Variants in SRBD1 observed in about 807,000 individuals in gnomAD.
SRBD1 encodes the protein S1 RNA binding domain 1, also known as S1 RNA-binding domain-containing protein 1.
In SRBD1, 88 loss-of-function variants were observed where a neutral mutation model predicts 115.3. The ratio of observed to expected loss-of-function variants is 0.76; its 90% CI spans 0.64 to 0.91. The LOEUF (loss-of-function observed/expected upper bound fraction) is 0.91, where lower values mean the gene tolerates loss of function less well. SRBD1 is among the 40% of genes least tolerant of loss of function. The pLI, the probability that SRBD1 is intolerant of heterozygous loss-of-function variation, is 0.00. For missense variants in SRBD1, 1,385 were observed against 1,177.4 expected, an observed-to-expected ratio of 1.18 and a Z score of -2.58; for synonymous variants, 509 against 407.7, an observed-to-expected ratio of 1.25 and a Z score of -2.99.
chr2:45,535,635 A>G (rs1671742105), intron 14 of SRBD1, among the ~76,000 whole-genome samples: 1 of 152,048 alleles, frequency 6.6e-6, no homozygotes, highest in Admixed American at 6.5e-5. Flanking sequence ...CTGGGCCAGA[A>G]GATAAAATAA....
intron 14 of SRBD1, among the ~76,000 whole-genome samples, chr2:45,512,247 T>C (rs896420616): frequency 5.3e-5 from 8 of 152,218 alleles, no homozygotes; most frequent in African/African-American, 1.9e-4. Context: ...TAATTGACTA[T>C]CATTTCTCCA....
chr2:45,533,127 T>C (rs1183701115), intron 14 of SRBD1, among the ~76,000 whole-genome samples: 2 of 151,988 alleles, frequency 1.3e-5, no homozygotes, highest in Non-Finnish European at 2.9e-5. Context: ...AAAATATGGA[T>C]AAGAATAGGC....
chr2:45,499,645 TTTAATCCA>T (rs1485016856), intron 14 of SRBD1, among the ~76,000 whole-genome samples: 3 of 152,202 alleles, frequency 2.0e-5, no homozygotes, highest in African/African-American at 7.2e-5. Context: ...CATTTAAGTC[TTTAATCCA>T]TTTTTAGTTA....
intron 14 of SRBD1, among the ~76,000 whole-genome samples, chr2:45,498,614 T>G (rs1015359090): frequency 6.2e-4 from 94 of 152,294 alleles, no homozygotes; most frequent in Non-Finnish European, 9.4e-4. Context: ...TTCCCCACTG[T>G]ACTACGGAAT....
chr2:45,473,633 T>G (rs1669717328), intron 16 of SRBD1, among the ~76,000 whole-genome samples: 1 of 152,190 alleles, frequency 6.6e-6, no homozygotes, highest in African/African-American at 2.4e-5. Context: ...AACTACTGCA[T>G]TCTATCTTCT....
intron 16 of SRBD1, among the ~76,000 whole-genome samples, chr2:45,446,854 T>C (rs1187260008): frequency 6.6e-6 from 1 of 151,994 alleles, no homozygotes; most frequent in African/African-American, 2.4e-5. Flanking sequence ...AAGAAATCAT[T>C]AAGGAAAAAA....
chr2:45,425,652 C>G (rs976699555), intron 16 of SRBD1, among the ~76,000 whole-genome samples: 9 of 151,972 alleles, frequency 5.9e-5, no homozygotes, highest in African/African-American at 2.2e-4. Flanking sequence ...ACAGTGGGTA[C>G]AGCCCACGGA....
At chr2:45,432,003 G>GTATTTATTTATTTATT (rs3047186) in intron 16 of SRBD1, among the ~76,000 whole-genome samples, 1,535 of 142,914 alleles carry the variant, frequency 0.011, 13 homozygotes, top group Middle Eastern at 0.022. Flanking sequence ...AGAGTTAAAA[G>GTATTTATTTATTTATT]TATTTATTTA....
chr2:45,443,107 C>T (rs532967894), intron 16 of SRBD1, among the ~76,000 whole-genome samples: 1 of 152,106 alleles, frequency 6.6e-6, no homozygotes, highest in African/African-American at 2.4e-5. Flanking sequence ...ATTCCAGAGA[C>T]AACGGGAACA....
At chr2:45,595,289 G>A (rs1158990742) in intron 4 of SRBD1, among the ~76,000 whole-genome samples, 1 of 152,194 alleles carries the variant, frequency 6.6e-6, no homozygotes, top group East Asian at 1.9e-4. Context: ...AGAGGACCAA[G>A]TTATCATTGT....
chr2:45,431,630 G>A (rs1253199318), intron 16 of SRBD1, among the ~76,000 whole-genome samples: 2 of 152,128 alleles, frequency 1.3e-5, no homozygotes, highest in African/African-American at 4.8e-5. Context: ...CCTGTCAGGG[G>A]GTGGAAGGCT....
chr2:45,549,696 C>CAAAAAAAAAAAAAAA (rs10646755), intron 12 of SRBD1, among the ~76,000 whole-genome samples: 15 of 84,652 alleles, frequency 1.8e-4, no homozygotes, highest in Middle Eastern at 8.1e-3. Flanking sequence ...ACTAAAAATA[C>CAAAAAAAAAAAAAAA]AAAAAAAAAA....
Position 45,389,372 on chromosome 2 carries a change from G to A in SRBD1, c.2926C>T (p.Gln976Ter). ...CGGGGGATGTCAATGTTGAGTACTT[G>A]GACTTCCACTCTTTCTCCGGGGCCC... The part of the protein sequence containing the change: ...GLGPGERVEV[Q>*]VLNIDIPRSR... The change falls in exon 21 of 21, where the codon CAA becomes TAA. Residue 976 changes from glutamine to a stop codon, truncating the protein, a stop_gained. Coordinates refer to ENST00000263736, the MANE Select transcript of SRBD1 (RefSeq NM_018079.5). LOFTEE classifies it high-confidence loss of function. The A allele has an allele frequency of 1.2e-6, 2 of 1,613,980 alleles. No homozygotes were observed. The highest frequency in any genetic ancestry group is 2.2e-5 in the South Asian group (2 of 91,074).
chr2:45,464,300 G>C (rs1326084153), intron 16 of SRBD1, among the ~76,000 whole-genome samples: 3 of 152,092 alleles, frequency 2.0e-5, no homozygotes, highest in Non-Finnish European at 2.9e-5. Context: ...CCCACAGAAA[G>C]ATCCAAGTCA....
intron 16 of SRBD1, among the ~76,000 whole-genome samples, chr2:45,432,457 T>C (rs1004773024): frequency 1.3e-5 from 2 of 152,212 alleles, no homozygotes; most frequent in Non-Finnish European, 2.9e-5. Flanking sequence ...TCTAAGAACA[T>C]TTCTAAGCAA....
chr2:45,419,739 G>A (rs1473383037), intron 17 of SRBD1, 49 bp downstream of exon 17: 2 of 1,543,330 alleles, frequency 1.3e-6, no homozygotes, highest in South Asian at 1.1e-5. Flanking sequence ...GGACTGGACA[G>A]CCAGTTAAAC....
In SRBD1 at chr2:45,574,714, G is replaced by A. The variant is rs6544834; in HGVS notation, c.1082C>T (p.Thr361Met). The A allele has an allele frequency of 4.3e-4, 700 of 1,611,488 alleles. 4 individuals are homozygous for A. In the African/African-American group the frequency reaches 7.6e-3, roughly 17 times the overall value. The change falls in exon 8 of 21, where the codon ACG becomes ATG. Residue 361 changes from threonine to methionine, a missense_variant. Thr to Met is a moderately conservative substitution (Grantham distance 81, BLOSUM62 -1). Transcript: ENST00000263736. ...YIRPDVKGLSTLQDIEIGVQH... is the reference protein window; with the variant it reads ...YIRPDVKGLSMLQDIEIGVQH... ...CACTCCTATTTCAATATCCTGAAGC[G>A]TTGAAAGCCCTTTAGGAGAAGGGTA...
At chr2:45,428,321 C>A (rs539375066) in intron 16 of SRBD1, among the ~76,000 whole-genome samples, 1 of 152,000 alleles carries the variant, frequency 6.6e-6, no homozygotes, top group Non-Finnish European at 1.5e-5. Flanking sequence ...GAGGCCGAGG[C>A]GGGCGGATCA....
At chr2:45,541,918 A>G (rs892164859) in intron 14 of SRBD1, among the ~76,000 whole-genome samples, 4 of 152,214 alleles carry the variant, frequency 2.6e-5, no homozygotes, top group Non-Finnish European at 5.9e-5. Flanking sequence ...AAAAAGTACC[A>G]TAAGTTCACA....
Sources: allele counts gnomAD v4.1 joint callset (sites outside exome capture counted in the v4.1 genomes callset), GRCh38; gene constraint gnomAD v4.1.1; transcripts MANE v1.5; gene names NCBI Gene and HGNC (gene_info 2026-07-23, HGNC 2026-07-21).